Variants in CCDC178 observed in about 807,000 individuals in gnomAD.
The protein encoded by CCDC178 is coiled-coil domain containing 178.
CCDC178 carries 126 observed loss-of-function variants against 117.4 expected under a neutral mutation model. That is an observed-to-expected ratio of 1.07 (90% confidence interval 0.93 to 1.24). The LOEUF (loss-of-function observed/expected upper bound fraction) is 1.24, where lower values mean the gene tolerates loss of function less well. CCDC178 is among the 50% of genes most tolerant of loss of function. The probability of loss-of-function intolerance (pLI) is 0.00; values close to 1 mark genes in which losing one functional copy is unlikely to be tolerated. For synonymous variants in CCDC178, 283 were observed against 313.4 expected (o/e 0.90, Z 1.02); for missense variants, 1,030 against 986.9 (o/e 1.04, Z -0.59).
chr18:33,399,322 T>G (rs183173965), intron 3 of CCDC178, among the ~76,000 whole-genome samples: 3 of 152,350 alleles, frequency 2.0e-5, no homozygotes, highest in Non-Finnish European at 2.9e-5. Flanking sequence ...TGCTGAAGGT[T>G]GGAGTGTCTG....
At chr18:33,380,939 G>T (rs1003770361) in intron 5 of CCDC178, among the ~76,000 whole-genome samples, 3 of 151,566 alleles carry the variant, frequency 2.0e-5, no homozygotes, top group Non-Finnish European at 4.4e-5. Flanking sequence ...ATCGAGGCAC[G>T]TCTACTATCT....
chr18:32,998,077 A>G (rs891669410), intron 21 of CCDC178, among the ~76,000 whole-genome samples: 6 of 152,230 alleles, frequency 3.9e-5, no homozygotes, highest in African/African-American at 1.2e-4. Flanking sequence ...CACCGAAGAT[A>G]GTTGGAAAGA....
At chr18:33,117,390 C>T (rs915372250) in intron 20 of CCDC178, among the ~76,000 whole-genome samples, 1 of 152,062 alleles carries the variant, frequency 6.6e-6, no homozygotes. Flanking sequence ...CTCACCAAAG[C>T]TGACCTGGAT....
chr18:33,392,671 T>C (rs1187263804), intron 4 of CCDC178, among the ~76,000 whole-genome samples: 1 of 152,080 alleles, frequency 6.6e-6, no homozygotes, highest in Admixed American at 6.6e-5. Context: ...ATAAACCTAA[T>C]GCATTATTAT....
chr18:33,058,088 G>T (rs981354163), intron 21 of CCDC178, among the ~76,000 whole-genome samples: 1 of 151,922 alleles, frequency 6.6e-6, no homozygotes, highest in Non-Finnish European at 1.5e-5. Context: ...AAAAAAATAA[G>T]AGTTCATCAA....
intron 22 of CCDC178, among the ~76,000 whole-genome samples, chr18:32,951,001 A>C (rs1476632251): frequency 6.6e-6 from 1 of 152,186 alleles, no homozygotes; most frequent in East Asian, 1.9e-4. Flanking sequence ...ATAATCCACT[A>C]TACATTTCTC....
intron 21 of CCDC178, among the ~76,000 whole-genome samples, chr18:33,071,514 G>A (rs965537835): frequency 5.3e-5 from 8 of 151,910 alleles, no homozygotes; most frequent in Admixed American, 2.6e-4. Context: ...ATACCAACAC[G>A]GTTTTCTGAA....
chr18:33,056,036 C>T (rs1388535543), intron 21 of CCDC178, among the ~76,000 whole-genome samples: 1 of 152,140 alleles, frequency 6.6e-6, no homozygotes, highest in Non-Finnish European at 1.5e-5. Flanking sequence ...CTCCTGACCT[C>T]AAGTGATCTG....
intron 12 of CCDC178, among the ~76,000 whole-genome samples, chr18:33,273,041 CAA>C (rs150996114): frequency 2.4e-5 from 3 of 123,924 alleles, no homozygotes; most frequent in Non-Finnish European, 5.3e-5. Context: ...AGTAATTAGG[CAA>C]AAAAAAAATA....
At chr18:33,424,092 C>T (rs557552143) in intron 2 of CCDC178, among the ~76,000 whole-genome samples, 2 of 152,040 alleles carry the variant, frequency 1.3e-5, no homozygotes, top group Non-Finnish European at 2.9e-5. Flanking sequence ...CCTCCTTTAT[C>T]TTTTCCAGTA....
intron 11 of CCDC178, among the ~76,000 whole-genome samples, chr18:33,301,443 A>T (rs2062175704): frequency 6.6e-6 from 1 of 152,210 alleles, no homozygotes; most frequent in South Asian, 2.1e-4. Context: ...GAGCTGTGGG[A>T]AGATGGCTGC....
intron 14 of CCDC178, among the ~76,000 whole-genome samples, chr18:33,266,548 CTTTAT>C (rs2059817424): frequency 7.0e-6 from 1 of 143,182 alleles, no homozygotes; most frequent in Non-Finnish European, 1.5e-5. Flanking sequence ...TCTTTTTTTT[CTTTAT>C]TTTATTATTA....
intron 22 of CCDC178, among the ~76,000 whole-genome samples, chr18:32,946,149 G>A (rs7233015): frequency 0.94 from 142,298 of 152,172 alleles, 66,981 homozygotes; most frequent in Non-Finnish European, 0.99. Flanking sequence ...TACTTCTAGG[G>A]AGGCTCTGTG....
chr18:33,245,869 C>A (rs537627750), intron 14 of CCDC178, among the ~76,000 whole-genome samples: 6 of 151,856 alleles, frequency 4.0e-5, no homozygotes, highest in Non-Finnish European at 7.4e-5. Flanking sequence ...TGGCACAATT[C>A]TTTTTGTAGG....
chr18:33,438,413 TA>T (rs1276295368), intron 2 of CCDC178, among the ~76,000 whole-genome samples: 1 of 152,192 alleles, frequency 6.6e-6, no homozygotes, highest in Non-Finnish European at 1.5e-5. Flanking sequence ...AAGATCTGAA[TA>T]AATAGCCTTG....
chr18:33,190,089 A>G (rs2058840050), intron 20 of CCDC178, among the ~76,000 whole-genome samples: 1 of 152,196 alleles, frequency 6.6e-6, no homozygotes, highest in African/African-American at 2.4e-5. Flanking sequence ...ACCTAGAAGC[A>G]GTAGCTTCCT....
chr18:33,297,646 G>A (rs2062122646), intron 11 of CCDC178, among the ~76,000 whole-genome samples: 1 of 152,078 alleles, frequency 6.6e-6, no homozygotes, highest in South Asian at 2.1e-4. Flanking sequence ...AGCCTAAACA[G>A]AGCAATAACA....
At chr18:33,123,318 T>C (rs183441585) in intron 20 of CCDC178, among the ~76,000 whole-genome samples, 1 of 152,172 alleles carries the variant, frequency 6.6e-6, no homozygotes, top group African/African-American at 2.4e-5. Flanking sequence ...ATGCTTAAGA[T>C]GATTTGCATA....
At chr18:33,289,662 TA>T in intron 12 of CCDC178, among the ~76,000 whole-genome samples, 1 of 152,060 alleles carries the variant, frequency 6.6e-6, no homozygotes, top group East Asian at 1.9e-4. Flanking sequence ...TAAAAAAAGA[TA>T]AAAGGAATTT....
Sources: allele counts gnomAD v4.1 joint callset (sites outside exome capture counted in the v4.1 genomes callset), GRCh38; gene constraint gnomAD v4.1.1; transcripts MANE v1.5; gene names NCBI Gene and HGNC (gene_info 2026-07-23, HGNC 2026-07-21).